Variants in BMERB1 observed in about 807,000 individuals in gnomAD.
BMERB1 encodes the protein bMERB domain-containing protein 1.
BMERB1 carries 12 observed loss-of-function variants against 23.6 expected under a neutral mutation model. That is an observed-to-expected ratio of 0.51 (90% CI 0.33 to 0.82). BMERB1 has a LOEUF of 0.82. Among genes scored for constraint, BMERB1 ranks in the 40% least tolerant of loss-of-function variants. The probability of loss-of-function intolerance (pLI) is 0.03; values close to 1 mark genes in which losing one functional copy is unlikely to be tolerated. For synonymous variants in BMERB1, 122 were observed against 96.6 expected, an observed-to-expected ratio of 1.26 and a Z score of -1.54; for missense variants, 247 against 255.4, an observed-to-expected ratio of 0.97 and a Z score of 0.22.
intron 1 of BMERB1, among the ~76,000 whole-genome samples, chr16:15,443,203 G>C (rs1192759906): frequency 6.6e-6 from 1 of 151,630 alleles, no homozygotes; most frequent in Admixed American, 6.6e-5. Context: ...AGCTGAGATT[G>C]CACCACTGGA....
At position 15,464,078 on chromosome 16, in the gene BMERB1, C is replaced by T. The variant is rs984633820; in HGVS notation, c.106+29319C>T. On this transcript the variant is annotated intron_variant, in intron 1 of 5. Transcript: ENST00000300006. The stretch of plus-strand genomic sequence containing the variant: ...CTGTAATCTCAGCAGTTTGGGAGGC[C>T]GAGGCGGGCAGATCACCTGAGGTCA... Among the ~76,000 whole-genome samples, 12 of 152,068 alleles carry T rather than the reference C, an allele frequency of 7.9e-5. No individual in the cohort carries two copies. The East Asian group carries it at 1.7e-3, about 22-fold the overall frequency.
At chr16:15,443,918 CA>C (rs948880507) in intron 1 of BMERB1, among the ~76,000 whole-genome samples, 10 of 145,042 alleles carry the variant, frequency 6.9e-5, no homozygotes, top group Non-Finnish European at 7.6e-5. Flanking sequence ...TCTCCAAAAA[CA>C]AAAAAAAAAG....
chr16:15,576,745 G>C (rs2030870752), intron 3 of BMERB1, among the ~76,000 whole-genome samples: 1 of 152,076 alleles, frequency 6.6e-6, no homozygotes, highest in South Asian at 2.1e-4. Flanking sequence ...GCTTCTGGTA[G>C]TGTTAGTGAA....
At chr16:15,442,096 C>T (rs1005447404) in intron 1 of BMERB1, among the ~76,000 whole-genome samples, 3 of 151,878 alleles carry the variant, frequency 2.0e-5, no homozygotes, top group Non-Finnish European at 4.4e-5. Flanking sequence ...TTTGGGAGAC[C>T]GAGGCAGGTG....
At chr16:15,583,730 C>CT (rs1216595886) in intron 5 of BMERB1, among the ~76,000 whole-genome samples, 3 of 152,052 alleles carry the variant, frequency 2.0e-5, no homozygotes, top group Non-Finnish European at 4.4e-5. Context: ...AGGCAGTTGC[C>CT]TGGGGCCTCA....
At chr16:15,507,894 TA>T (rs1192222419) in intron 1 of BMERB1, among the ~76,000 whole-genome samples, 1 of 152,144 alleles carries the variant, frequency 6.6e-6, no homozygotes, top group Non-Finnish European at 1.5e-5. Flanking sequence ...AATTGTTTCT[TA>T]AACAACCTCC....
chr16:15,562,800 G>A (rs566972248), intron 2 of BMERB1, among the ~76,000 whole-genome samples: 47 of 152,300 alleles, frequency 3.1e-4, no homozygotes, highest in Non-Finnish European at 5.3e-4. Context: ...AGAAACTCAC[G>A]GGAACAGTCT....
intron 2 of BMERB1, among the ~76,000 whole-genome samples, chr16:15,565,443 TG>T (rs994267130): frequency 2.0e-4 from 30 of 152,380 alleles, no homozygotes; most frequent in African/African-American, 7.2e-4. Flanking sequence ...ATATTGTATT[TG>T]GGTTTACCTT....
intron 1 of BMERB1, among the ~76,000 whole-genome samples, 197 bp from the exon 2 acceptor site, chr16:15,515,108 A>G (rs982707967): frequency 6.6e-6 from 1 of 152,112 alleles, no homozygotes; most frequent in African/African-American, 2.4e-5. Context: ...AAGCAAACGA[A>G]GTAAATTACT....
chr16:15,559,728 T>G (rs776350063), intron 2 of BMERB1, among the ~76,000 whole-genome samples: 6 of 152,068 alleles, frequency 3.9e-5, no homozygotes, highest in Non-Finnish European at 8.8e-5. Context: ...CAGCTTGGGG[T>G]CGGGGGACAA....
intron 2 of BMERB1, among the ~76,000 whole-genome samples, chr16:15,552,522 G>A (rs970569536): frequency 1.3e-5 from 2 of 152,200 alleles, no homozygotes; most frequent in Admixed American, 1.3e-4. Flanking sequence ...TGTGCAGAGG[G>A]CTAAGTGCGG....
intron 1 of BMERB1, among the ~76,000 whole-genome samples, chr16:15,483,280 A>G (rs1414601892): frequency 6.6e-6 from 1 of 152,212 alleles, no homozygotes; most frequent in South Asian, 2.1e-4. Flanking sequence ...AGAACATGGA[A>G]TGATACATTC....
chr16:15,565,390 A>C (rs1452539575), intron 2 of BMERB1, among the ~76,000 whole-genome samples: 1 of 152,228 alleles, frequency 6.6e-6, no homozygotes, highest in Admixed American at 6.5e-5. Flanking sequence ...AAGCTGACCC[A>C]CTACATCCCT....
chr16:15,451,424 C>T (rs2051040196), intron 1 of BMERB1, among the ~76,000 whole-genome samples: 1 of 151,940 alleles, frequency 6.6e-6, no homozygotes, highest in Non-Finnish European at 1.5e-5. Context: ...CTCAAGTGAT[C>T]CACCCATCTC....
At chr16:15,576,679 T>C (rs1729104570) in intron 3 of BMERB1, among the ~76,000 whole-genome samples, 1 of 152,042 alleles carries the variant, frequency 6.6e-6, no homozygotes, top group Admixed American at 6.6e-5. Context: ...AAAATCGAGG[T>C]GTCAACAGGG....
At chr16:15,463,154 C>G (rs1027707492) in intron 1 of BMERB1, among the ~76,000 whole-genome samples, 7 of 151,914 alleles carry the variant, frequency 4.6e-5, no homozygotes, top group African/African-American at 1.5e-4. Flanking sequence ...CCATGGCTCC[C>G]TGCAGCTTTG....
chr16:15,508,327 A>G (rs1283025350), intron 1 of BMERB1, among the ~76,000 whole-genome samples: 1 of 152,118 alleles, frequency 6.6e-6, no homozygotes, highest in South Asian at 2.1e-4. Context: ...CTTTTTCTAT[A>G]AAGAGCCAGG....
At chr16:15,452,337 A>AGG (rs751532838) in intron 1 of BMERB1, among the ~76,000 whole-genome samples, 20 of 131,368 alleles carry the variant, frequency 1.5e-4, no homozygotes, top group African/African-American at 3.7e-4. Context: ...GGAGGGAGAG[A>AGG]GAGAGAGAGA....
intron 1 of BMERB1, among the ~76,000 whole-genome samples, chr16:15,502,567 G>A (rs987813860): frequency 6.6e-6 from 1 of 152,280 alleles, no homozygotes; most frequent in African/African-American, 2.4e-5. Flanking sequence ...GGTGCATCCC[G>A]TAATAGGATG....
Sources: allele counts gnomAD v4.1 joint callset (sites outside exome capture counted in the v4.1 genomes callset), GRCh38; gene constraint gnomAD v4.1.1; transcripts MANE v1.5; gene names NCBI Gene and HGNC (gene_info 2026-07-23, HGNC 2026-07-21).